Variants in CKAP5 observed in about 807,000 individuals in gnomAD.
CKAP5 encodes cytoskeleton-associated protein 5.
CKAP5 carries 27 observed loss-of-function variants against 232.8 expected under a neutral mutation model. The ratio of observed to expected loss-of-function variants is 0.12; its 90% CI spans 0.09 to 0.16. CKAP5 has a LOEUF of 0.16. Among genes scored for constraint, CKAP5 ranks in the 10% least tolerant of loss-of-function variants. The pLI, the probability that CKAP5 is intolerant of heterozygous loss-of-function variation, is 1.00. For missense variants in CKAP5, 1,838 were observed against 2,424.7 expected, an observed-to-expected ratio of 0.76 and a Z score of 5.08; for synonymous variants, 785 against 841.1, an observed-to-expected ratio of 0.93 and a Z score of 1.16.
In CKAP5 at chr11:46,760,726, G is replaced by A; in HGVS notation, c.4280C>T (p.Pro1427Leu). ...EERIKRSAKRPSAAPIKQVEE... is the reference protein window; with the variant it reads ...EERIKRSAKRLSAAPIKQVEE... ...CACCTGTTTTATTGGTGCAGCAGAG[G>A]GTCTCTTTGCTGACCGCTTAATCCT... is the stretch of plus-strand genomic sequence containing the variant. The change falls in exon 33 of 44, where the codon CCC becomes CTC. Residue 1427 changes from proline to leucine, a missense_variant. By Grantham distance (98) the Pro-to-Leu change is moderately conservative. This residue lies in a region of CKAP5 where 579 missense variants were observed against 843.2 expected (regional missense o/e 0.69). Coordinates refer to ENST00000529230, the MANE Select transcript of CKAP5 (RefSeq NM_001008938.4). 6.2e-7 allele frequency: 1 copy of A among 1,614,140 alleles called. No individual in the cohort carries two copies. The highest frequency in any genetic ancestry group is 8.5e-7 in the Non-Finnish European group (1 of 1,180,006).
intron 27 of CKAP5, 131 bp from the exon 28 acceptor site, chr11:46,765,387 C>T: frequency 1.3e-6 from 1 of 787,152 alleles, no homozygotes; most frequent in Non-Finnish European, 1.9e-6. Flanking sequence ...ATGAAAAAAA[C>T]ATGCATCACA....
intron 8 of CKAP5, among the ~76,000 whole-genome samples, chr11:46,806,692 T>C (rs551748466): frequency 1.5e-3 from 223 of 152,318 alleles, no homozygotes; most frequent in African/African-American, 4.3e-3. Context: ...TACTAGAATA[T>C]AGTTGATCCT....
rs1377779284 is a variant in CKAP5, at chr11:46,778,511, G to A, written c.2522C>T (p.Pro841Leu). 6.2e-7 allele frequency: 1 copy of A among 1,613,952 alleles called. No individual in the cohort carries two copies. The highest frequency in any genetic ancestry group is 8.5e-7 in the Non-Finnish European group (1 of 1,179,974). ...GTDEGEDGDE[P>L]DDGSNDVVDL... Reference sequence around the variant, plus strand: ...AACGACATCATTGCTCCCGTCATCTGGTTCATCTCCATCTTCTCCTTCATC... The same window carrying A: ...AACGACATCATTGCTCCCGTCATCTAGTTCATCTCCATCTTCTCCTTCATC... The change falls in exon 21 of 44, where the codon CCA (proline) becomes CTA (leucine). Residue 841 changes from proline to leucine, a missense_variant. Physicochemically the swap from Pro to Leu is moderately conservative, Grantham distance 98. Around this residue, in one of 6 missense-constraint regions of CKAP5, gnomAD observed 767 missense variants for 954.6 expected, o/e 0.80. Transcript: ENST00000529230.
chr11:46,801,070 CAG>C (rs1314569880), intron 9 of CKAP5, 128 bp downstream of exon 9: 2 of 561,668 alleles, frequency 3.6e-6, no homozygotes, highest in East Asian at 3.0e-5. Flanking sequence ...ATTAACAAAA[CAG>C]AGAGAAATTT....
chr11:46,810,561 T>A (rs917342521), intron 5 of CKAP5, among the ~76,000 whole-genome samples: 1 of 152,150 alleles, frequency 6.6e-6, no homozygotes, highest in Non-Finnish European at 1.5e-5. Context: ...TCTGTCTCCC[T>A]GGGCCTGCCA....
chr11:46,767,942 G>A (rs932922703), intron 26 of CKAP5, among the ~76,000 whole-genome samples: 1 of 150,550 alleles, frequency 6.6e-6, no homozygotes, highest in African/African-American at 2.4e-5. Context: ...ACAGGCCCGT[G>A]CCACCGCACC....
chr11:46,789,922 A>G (rs1373793208), intron 15 of CKAP5, among the ~76,000 whole-genome samples, 154 bp downstream of exon 15: 1 of 152,240 alleles, frequency 6.6e-6, no homozygotes, highest in Non-Finnish European at 1.5e-5. Context: ...CTACACAGCT[A>G]CAAGAAATAA....
chr11:46,810,963 A>T (rs762567492), intron 5 of CKAP5, 44 bp downstream of exon 5: 2 of 1,482,646 alleles, frequency 1.3e-6, no homozygotes, highest in Non-Finnish European at 1.8e-6. Flanking sequence ...AAATATTTTC[A>T]TATTAACCTT....
rs202168297 is a variant in CKAP5 at position 46,768,063 on chromosome 11, T to C, written c.3323-400A>G. ...CACCCACCTTGGCTTCCCAAAGTGC[T>C]GGGATTACAGGCGTGAGTCACTGTG... On this transcript the variant is annotated intron_variant, in intron 26 of 43. Transcript: ENST00000529230. 1.6e-4 allele frequency among the ~76,000 whole-genome samples: 25 copies of C among 152,172 alleles called. No homozygotes were observed. In the East Asian group the frequency reaches 3.3e-3, roughly 20 times the overall value.
intron 27 of CKAP5, 114 bp downstream of exon 27, chr11:46,767,461 A>G (rs980906826): frequency 1.7e-6 from 1 of 586,340 alleles, no homozygotes; most frequent in Non-Finnish European, 2.8e-6. Flanking sequence ...ATTTGATAAT[A>G]TCAACAGCAG....
chr11:46,789,665 G>A (rs1051560384), intron 15 of CKAP5, among the ~76,000 whole-genome samples: 1 of 151,622 alleles, frequency 6.6e-6, no homozygotes, highest in South Asian at 2.1e-4. Flanking sequence ...GTGTGGTGGT[G>A]GGCGCCTGTA....
chr11:46,833,511 GCT>G (rs1939842833), intron 1 of CKAP5, among the ~76,000 whole-genome samples: 1 of 149,426 alleles, frequency 6.7e-6, no homozygotes, highest in Non-Finnish European at 1.5e-5. Context: ...ACGGAGTCTG[GCT>G]CTGTCGCCCA....
At chr11:46,806,250 G>A (rs1481165875) in intron 8 of CKAP5, among the ~76,000 whole-genome samples, 1 of 152,114 alleles carries the variant, frequency 6.6e-6, no homozygotes, top group Non-Finnish European at 1.5e-5. Context: ...CATTCACAAT[G>A]CCAATGGAAA....
At chr11:46,780,162 C>T (rs752805593) in intron 20 of CKAP5, 32 bp downstream of exon 20, 2 of 1,612,662 alleles carry the variant, frequency 1.2e-6, no homozygotes, top group East Asian at 4.5e-5. Flanking sequence ...CTCAAGTCCA[C>T]TAACAGATTG....
intron 1 of CKAP5, among the ~76,000 whole-genome samples, chr11:46,839,443 C>G (rs1939999457): frequency 4.6e-5 from 7 of 152,192 alleles, no homozygotes; most frequent in Admixed American, 4.6e-4. Flanking sequence ...TTAAAACTCT[C>G]CAACATTGAC....
chr11:46,833,310 C>G (rs1396678717), intron 1 of CKAP5, among the ~76,000 whole-genome samples: 2 of 151,880 alleles, frequency 1.3e-5, no homozygotes, highest in African/African-American at 4.8e-5. Flanking sequence ...GAGTAAAGAA[C>G]AAAAATATGA....
chr11:46,805,920 A>G (rs1408736560), intron 8 of CKAP5, among the ~76,000 whole-genome samples: 2 of 152,224 alleles, frequency 1.3e-5, no homozygotes, highest in Non-Finnish European at 2.9e-5. Context: ...CTGGGCAACA[A>G]TAACGAAACT....
intron 24 of CKAP5, among the ~76,000 whole-genome samples, chr11:46,771,475 T>C (rs1174473809): frequency 1.3e-5 from 2 of 152,206 alleles, no homozygotes; most frequent in Non-Finnish European, 2.9e-5. Context: ...AATGGCATAA[T>C]CTTGGCTCGC....
chr11:46,796,724 C>T, intron 12 of CKAP5, 88 bp downstream of exon 12: 1 of 1,431,660 alleles, frequency 7.0e-7, no homozygotes, highest in Non-Finnish European at 9.5e-7. Context: ...TCAAAACTAC[C>T]AGTACTCTAT....
Sources: allele counts gnomAD v4.1 joint callset (sites outside exome capture counted in the v4.1 genomes callset), GRCh38; gene constraint gnomAD v4.1.1; regional missense constraint gnomAD v4.1.1; transcripts MANE v1.5; gene names NCBI Gene and HGNC (gene_info 2026-07-23, HGNC 2026-07-21).